The following APBB2 variants were observed in gnomAD, a reference collection of about 807,000 sequenced individuals.
APBB2 encodes amyloid beta precursor protein binding family B member 2.
APBB2 carries 38 observed loss-of-function variants against 82.5 expected under a neutral mutation model. The observed-to-expected ratio is 0.46, with a 90% CI of 0.36 to 0.60. APBB2 has a LOEUF of 0.60. APBB2 is among the 20% of genes least tolerant of loss of function. The probability of loss-of-function intolerance (pLI) is 0.00; values close to 1 mark genes in which losing one functional copy is unlikely to be tolerated. For synonymous variants in APBB2, 341 were observed against 368.2 expected, an observed-to-expected ratio of 0.93 and a Z score of 0.85; for missense variants, 772 against 972.3, an observed-to-expected ratio of 0.79 and a Z score of 2.74.
rs185502269 is a variant in APBB2 at position 40,832,492 on chromosome 4, A to C, written c.1530-1915T>G. Among the ~76,000 whole-genome samples the C allele has an allele frequency of 3.3e-5, 5 of 152,082 alleles. No individual in the cohort carries two copies. Among genetic ancestry groups the C allele is most frequent in the Non-Finnish European group, 7.3e-5 (5 of 68,034 alleles). On this transcript the variant is annotated intron_variant, in intron 12 of 17. Transcript: ENST00000508593. The surrounding 1 kb of genome is among the most constrained non-coding windows in gnomAD (Gnocchi z 4.8). ...CTCACGTTCTAGCTCAGTGTCCTCC[A>C]TGCTAGAACCGGACTCCCCCTGCCT...
At chr4:40,991,396 A>G (rs976754957) in intron 6 of APBB2, among the ~76,000 whole-genome samples, 1 of 152,026 alleles carries the variant, frequency 6.6e-6, no homozygotes, top group Non-Finnish European at 1.5e-5. Flanking sequence ...TTGCATTTAA[A>G]AACCCTCACA....
chr4:40,831,085 C>T (rs1560633300), intron 12 of APBB2, among the ~76,000 whole-genome samples: 1 of 151,916 alleles, frequency 6.6e-6, no homozygotes, highest in Non-Finnish European at 1.5e-5. Context: ...GTCAACAGAA[C>T]AAGACTTAGC....
intron 6 of APBB2, among the ~76,000 whole-genome samples, chr4:40,971,684 C>G (rs1795961396): frequency 1.3e-5 from 2 of 152,176 alleles, no homozygotes; most frequent in African/African-American, 4.8e-5. Context: ...GTTAATATCT[C>G]TAATTTAGTA....
chr4:40,934,553 A>C (rs528298373), intron 9 of APBB2, 37 bp from the exon 10 acceptor site: 1 of 1,612,522 alleles, frequency 6.2e-7, no homozygotes, highest in Non-Finnish European at 8.5e-7. Flanking sequence ...TTAGAATTCT[A>C]TTGCAAACTA....
At chr4:41,030,398 T>G (rs1006682552) in intron 5 of APBB2, among the ~76,000 whole-genome samples, 1 of 152,184 alleles carries the variant, frequency 6.6e-6, no homozygotes, top group Non-Finnish European at 1.5e-5. Flanking sequence ...GTTCAATTTC[T>G]TTTTTACTTT....
At chr4:41,035,120 G>A (rs953362169) in intron 4 of APBB2, among the ~76,000 whole-genome samples, 1 of 152,166 alleles carries the variant, frequency 6.6e-6, no homozygotes, top group African/African-American at 2.4e-5. Flanking sequence ...TTCTATATGC[G>A]TAATGCACTT....
chr4:40,974,002 C>T (rs1432899980), intron 6 of APBB2, among the ~76,000 whole-genome samples: 1 of 152,050 alleles, frequency 6.6e-6, no homozygotes, highest in East Asian at 1.9e-4. Context: ...CAGGCACGCG[C>T]CACCACACCT....
chr4:41,034,478 C>G (rs1027225620), intron 4 of APBB2, among the ~76,000 whole-genome samples: 3 of 152,160 alleles, frequency 2.0e-5, no homozygotes, highest in Non-Finnish European at 2.9e-5. Flanking sequence ...GCGCGCATCA[C>G]CACGCCCAAC....
chr4:40,904,835 G>T (rs755479785), intron 10 of APBB2, among the ~76,000 whole-genome samples: 1 of 152,156 alleles, frequency 6.6e-6, no homozygotes, highest in Middle Eastern at 3.4e-3. Flanking sequence ...TCATTATTCA[G>T]CATGGCAGAG....
At chr4:40,866,406 G>A (rs1241084031) in intron 12 of APBB2, among the ~76,000 whole-genome samples, 2 of 152,122 alleles carry the variant, frequency 1.3e-5, no homozygotes, top group Non-Finnish European at 2.9e-5. Context: ...GAGCTTACCC[G>A]ATGATCGTTA....
chr4:40,828,460 A>G (rs529805308), intron 13 of APBB2, among the ~76,000 whole-genome samples: 46 of 152,346 alleles, frequency 3.0e-4, no homozygotes, highest in African/African-American at 1.1e-3. Flanking sequence ...ATCTGTGCCC[A>G]GGGCAGCGAG....
intron 4 of APBB2, among the ~76,000 whole-genome samples, chr4:41,062,919 T>C (rs958034992): frequency 6.6e-6 from 1 of 152,142 alleles, no homozygotes; most frequent in Non-Finnish European, 1.5e-5. Flanking sequence ...TCAGGGCCCT[T>C]CGGTAATCTC....
intron 1 of APBB2, among the ~76,000 whole-genome samples, chr4:41,186,895 A>G (rs534511783): frequency 2.0e-5 from 3 of 152,328 alleles, no homozygotes; most frequent in Admixed American, 2.0e-4. Flanking sequence ...TCAGACTCCA[A>G]ATCCATGCAT....
intron 12 of APBB2, chr4:40,842,465 C>A: frequency 2.4e-6 from 1 of 421,244 alleles, no homozygotes; most frequent in Non-Finnish European, 4.9e-6. Context: ...CCGTTAACAG[C>A]GAGTCTGAGC....
intron 6 of APBB2, among the ~76,000 whole-genome samples, chr4:40,973,733 AGACATT>A (rs1406084431): frequency 6.6e-6 from 1 of 152,156 alleles, no homozygotes. Context: ...TGGTAGTCCC[AGACATT>A]CCTTGGTTTG....
chr4:40,864,315 C>G (rs1161883465), intron 12 of APBB2, among the ~76,000 whole-genome samples: 1 of 151,226 alleles, frequency 6.6e-6, no homozygotes, highest in Non-Finnish European at 1.5e-5. Context: ...CTGATTATTG[C>G]TCCTGGAGGA....
intron 1 of APBB2, among the ~76,000 whole-genome samples, chr4:41,203,827 G>A (rs1777301070): frequency 6.6e-6 from 1 of 152,120 alleles, no homozygotes; most frequent in Non-Finnish European, 1.5e-5. Context: ...GCATCTTTCT[G>A]GAAACTGCTC....
chr4:40,968,403 A>AACTGGCTTT, intron 6 of APBB2, among the ~76,000 whole-genome samples: 1 of 152,140 alleles, frequency 6.6e-6, no homozygotes, highest in East Asian at 1.9e-4. Flanking sequence ...TTGGATTCAA[A>AACTGGCTTT]ACTGGCTTTA....
At chr4:41,104,493 T>C (rs1321682804) in intron 2 of APBB2, among the ~76,000 whole-genome samples, 4 of 152,206 alleles carry the variant, frequency 2.6e-5, no homozygotes, top group African/African-American at 9.7e-5. Flanking sequence ...TCTTTCTAAC[T>C]ATTATTTTAG....
Sources: gnomAD v4.1 joint callset for allele counts (sites outside exome capture counted in the v4.1 genomes callset) on GRCh38, gnomAD v4.1.1 for gene constraint, Gnocchi (gnomAD v3.1) non-coding constraint, MANE v1.5 for transcripts, NCBI Gene and HGNC (gene_info 2026-07-23, HGNC 2026-07-21) for gene names.